TNS3: variants seen among roughly 807,000 people sequenced by gnomAD.
The protein encoded by TNS3 is tensin 3.
TNS3 carries 45 observed loss-of-function variants against 140.9 expected under a neutral mutation model. That is an observed-to-expected ratio of 0.32 (90% CI 0.25 to 0.41). The LOEUF (loss-of-function observed/expected upper bound fraction) is 0.41. Among genes scored for constraint, TNS3 ranks in the 10% least tolerant of loss-of-function variants. The probability of loss-of-function intolerance (pLI) is 1.00; values close to 1 mark genes in which losing one functional copy is unlikely to be tolerated. For missense variants in TNS3, 1,716 were observed against 1,906.7 expected, an observed-to-expected ratio of 0.90 and a Z score of 1.86; for synonymous variants, 815 against 788.4, an observed-to-expected ratio of 1.03 and a Z score of -0.56.
intron 16 of TNS3, among the ~76,000 whole-genome samples, chr7:47,394,517 G>A (rs1191276695): frequency 1.3e-5 from 2 of 152,240 alleles, no homozygotes; most frequent in Non-Finnish European, 2.9e-5. Context: ...ATCTGTCAAG[G>A]CAGCGTGAAT....
At chr7:47,307,716 TG>T (rs2150744787) in intron 20 of TNS3, among the ~76,000 whole-genome samples, 1 of 152,392 alleles carries the variant, frequency 6.6e-6, no homozygotes, top group Admixed American at 6.5e-5. Flanking sequence ...AACATCTTTT[TG>T]TATGCTTATT....
At chr7:47,553,087 T>TCA (rs1436572418) in intron 1 of TNS3, among the ~76,000 whole-genome samples, 2 of 152,192 alleles carry the variant, frequency 1.3e-5, no homozygotes, top group East Asian at 3.8e-4. Flanking sequence ...CTATGCAGAC[T>TCA]CAGCAAGGTG....
intron 1 of TNS3, among the ~76,000 whole-genome samples, chr7:47,580,544 C>T (rs1784502929): frequency 7.1e-6 from 1 of 140,590 alleles, no homozygotes; most frequent in Non-Finnish European, 1.5e-5. Flanking sequence ...CCCACCAGGA[C>T]CCAGTGCACC....
chr7:47,442,923 C>T (rs929314533), intron 4 of TNS3, among the ~76,000 whole-genome samples: 5 of 152,216 alleles, frequency 3.3e-5, no homozygotes, highest in African/African-American at 1.2e-4. Flanking sequence ...TGCAGCTCAC[C>T]TGGACTCCTT....
intron 2 of TNS3, among the ~76,000 whole-genome samples, chr7:47,525,979 A>T (rs1799176775): frequency 6.6e-6 from 1 of 152,234 alleles, no homozygotes; most frequent in African/African-American, 2.4e-5. Flanking sequence ...AAGAGACACA[A>T]GTCCCAACCC....
intron 20 of TNS3, among the ~76,000 whole-genome samples, chr7:47,314,342 C>A (rs1215835379): frequency 6.6e-6 from 1 of 152,184 alleles, no homozygotes; most frequent in Non-Finnish European, 1.5e-5. Flanking sequence ...TCGAGATGTG[C>A]CCATGCTTAA....
intron 1 of TNS3, among the ~76,000 whole-genome samples, chr7:47,538,313 G>C (rs1352634101): frequency 6.6e-6 from 1 of 152,180 alleles, no homozygotes. Context: ...TGAAGCCACT[G>C]CCTGTGGTCT....
intron 4 of TNS3, among the ~76,000 whole-genome samples, chr7:47,451,220 G>A (rs946953434): frequency 1.3e-5 from 2 of 152,194 alleles, no homozygotes. Flanking sequence ...GGTGTCCCCA[G>A]GGCCTGTGCG....
At chr7:47,292,262 T>A (rs883919) in intron 26 of TNS3, among the ~76,000 whole-genome samples, 53,567 of 152,094 alleles carry the variant, frequency 0.35, 10,289 homozygotes, top group Non-Finnish European at 0.44. Context: ...AATCACCGAA[T>A]TAGTCATATG....
chr7:47,481,035 A>G (rs1797395509), intron 4 of TNS3, 68 bp downstream of exon 4: 4 of 1,204,316 alleles, frequency 3.3e-6, no homozygotes, highest in Non-Finnish European at 4.4e-6. Flanking sequence ...AAGAGGGAGC[A>G]GCTTCAAGAA....
chr7:47,405,381 G>T lies in TNS3; in HGVS notation c.724-4467C>A, dbSNP rs1369453528. ...GTGGCCCAGGCAACTGTCTACGCAGGCCTCAAGGAATCTGTGAACTCAGAG... is the reference window on the plus strand; with the variant it reads ...GTGGCCCAGGCAACTGTCTACGCAGTCCTCAAGGAATCTGTGAACTCAGAG... On this transcript the variant is annotated intron_variant, in intron 13 of 30. Transcript: ENST00000311160. 3 of 641,964 alleles carry T rather than the reference G, an allele frequency of 4.7e-6. No individual in the cohort carries two copies. In the Admixed American group the frequency reaches 7.0e-5, roughly 15 times the overall value. The allele number at this position is 641,964 out of a possible 1,614,324, so 39.8% of individuals were successfully genotyped here.
chr7:47,548,709 G>A (rs2151977745), intron 1 of TNS3, among the ~76,000 whole-genome samples: 1 of 152,166 alleles, frequency 6.6e-6, no homozygotes, highest in East Asian at 1.9e-4. Context: ...CCCCCAGGCC[G>A]GCTGTCACCC....
At chr7:47,331,305 C>T (rs1182756342) in intron 20 of TNS3, among the ~76,000 whole-genome samples, 4 of 152,158 alleles carry the variant, frequency 2.6e-5, no homozygotes, top group African/African-American at 4.8e-5. Context: ...CAGCTTTATT[C>T]GAATGTACTT....
At chr7:47,409,136 G>A (rs1793614634) in intron 13 of TNS3, among the ~76,000 whole-genome samples, 1 of 152,160 alleles carries the variant, frequency 6.6e-6, no homozygotes. Flanking sequence ...GGAGGAAAAG[G>A]AAGAAGGGCA....
chr7:47,496,628 G>T (rs1342768024), intron 3 of TNS3, among the ~76,000 whole-genome samples: 1 of 152,232 alleles, frequency 6.6e-6, no homozygotes, highest in Non-Finnish European at 1.5e-5. Flanking sequence ...AACGCAAACA[G>T]AGTCTGAGTG....
intron 7 of TNS3, 116 bp from the exon 8 acceptor site, chr7:47,435,520 G>A: frequency 6.8e-7 from 1 of 1,466,962 alleles, no homozygotes; most frequent in Admixed American, 1.8e-5. Flanking sequence ...GAACATGCTG[G>A]GTGACCCTTT....
chr7:47,530,780 G>A (rs1323554676), intron 1 of TNS3, among the ~76,000 whole-genome samples: 2 of 133,796 alleles, frequency 1.5e-5, no homozygotes, highest in Admixed American at 8.5e-5. Flanking sequence ...CCGAGATCGC[G>A]CCATTGCACT....
chr7:47,395,537 TC>T lies in TNS3; in HGVS notation c.1024+1262del, dbSNP rs200066721. ...TGTTTGATAAATCTTATGAAATTAT[TC>T]TCACAGCTTTAAGATTCCAGTGTGC... is the stretch of plus-strand genomic sequence containing the variant. On this transcript the variant is annotated intron_variant, in intron 16 of 30. Coordinates refer to ENST00000311160, the MANE Select transcript of TNS3 (RefSeq NM_022748.12). Among the ~76,000 whole-genome samples, 1,178 of 152,354 alleles carry T rather than the reference TC, an allele frequency of 7.7e-3. 9 individuals carry two copies. Among genetic ancestry groups the T allele is most frequent in the Non-Finnish European group, 0.012 (847 of 68,030 alleles).
At chr7:47,440,638 CAGGG>C (rs1171096074) in intron 5 of TNS3, among the ~76,000 whole-genome samples, 4 of 152,162 alleles carry the variant, frequency 2.6e-5, no homozygotes, top group Admixed American at 2.0e-4. Context: ...CTGTGGGCCC[CAGGG>C]AGGCCTGAGC....
Sources: gnomAD v4.1 joint callset for allele counts (sites outside exome capture counted in the v4.1 genomes callset) on GRCh38, gnomAD v4.1.1 for gene constraint, MANE v1.5 for transcripts, NCBI Gene and HGNC (gene_info 2026-07-23, HGNC 2026-07-21) for gene names.